SYNDIG1: variants seen among roughly 807,000 people sequenced by gnomAD.
SYNDIG1 encodes the protein synapse differentiation-inducing gene protein 1.
Under a neutral mutation model 19.4 loss-of-function variants are expected in SYNDIG1, and 9 were observed. The observed-to-expected ratio is 0.46, with a 90% CI of 0.28 to 0.81. The LOEUF is 0.81. Among genes scored for constraint, SYNDIG1 ranks in the 30% least tolerant of loss-of-function variants. The pLI is 0.12. For missense variants in SYNDIG1, 311 were observed against 343.3 expected, an observed-to-expected ratio of 0.91 and a Z score of 0.74; for synonymous variants, 141 against 145.9, an observed-to-expected ratio of 0.97 and a Z score of 0.24.
At chr20:24,476,204 A>G (rs2055621415) in intron 1 of SYNDIG1, among the ~76,000 whole-genome samples, 1 of 151,744 alleles carries the variant, frequency 6.6e-6, no homozygotes. Context: ...TATATACTAA[A>G]CCCAGAGATA....
At chr20:24,641,762 G>T (rs1379622548) in intron 3 of SYNDIG1, among the ~76,000 whole-genome samples, 1 of 152,110 alleles carries the variant, frequency 6.6e-6, no homozygotes, top group East Asian at 1.9e-4. Context: ...GTGCAGCAGG[G>T]TGTGCAGACT....
intron 3 of SYNDIG1, among the ~76,000 whole-genome samples, chr20:24,632,858 C>G (rs2059264383): frequency 6.6e-6 from 1 of 151,910 alleles, no homozygotes; most frequent in South Asian, 2.1e-4. Context: ...TTCCTCCCTT[C>G]TGGAATAAAT....
At chr20:24,600,793 T>A (rs2058668603) in intron 3 of SYNDIG1, among the ~76,000 whole-genome samples, 1 of 152,076 alleles carries the variant, frequency 6.6e-6, no homozygotes, top group African/African-American at 2.4e-5. Flanking sequence ...TTTTGTATTC[T>A]TAGTAAAGAC....
chr20:24,621,294 C>T (rs1484140504), intron 3 of SYNDIG1, among the ~76,000 whole-genome samples: 6 of 152,120 alleles, frequency 3.9e-5, no homozygotes, highest in Admixed American at 3.9e-4. Context: ...TATCTATTTA[C>T]TTTTGCTACT....
At chr20:24,557,992 C>T (rs935841362) in intron 2 of SYNDIG1, among the ~76,000 whole-genome samples, 8 of 152,180 alleles carry the variant, frequency 5.3e-5, no homozygotes, top group African/African-American at 1.9e-4. Context: ...AGTCTCAAAT[C>T]CGTCTCCCTG....
rs972738768 is a variant in SYNDIG1, at chr20:24,588,596, C to A, written c.618+3603C>A. On this transcript the variant is annotated intron_variant, in intron 3 of 3. Coordinates refer to ENST00000376862, the MANE Select transcript of SYNDIG1 (RefSeq NM_024893.3). The stretch of plus-strand genomic sequence containing the variant: ...GGCCTCCAGCTCCTCATGGATGCTG[C>A]TGCCATCACCCGGGAGGGGCCGTGG... Among the ~76,000 whole-genome samples the A allele has an allele frequency of 2.6e-5, 4 of 152,158 alleles. No homozygotes were observed. The East Asian group carries it at 7.7e-4, about 29-fold the overall frequency.
chr20:24,644,213 G>A (rs1600818597), intron 3 of SYNDIG1, among the ~76,000 whole-genome samples: 1 of 152,352 alleles, frequency 6.6e-6, no homozygotes, highest in South Asian at 2.1e-4. Flanking sequence ...CATCCATGAA[G>A]CAAGGCTGTT....
chr20:24,597,470 G>A (rs1486538663), intron 3 of SYNDIG1, among the ~76,000 whole-genome samples: 2 of 152,056 alleles, frequency 1.3e-5, no homozygotes, highest in Admixed American at 1.3e-4. Context: ...GGCTGGGAGG[G>A]GGCTGCATTT....
intron 1 of SYNDIG1, among the ~76,000 whole-genome samples, chr20:24,512,597 C>T (rs1391355476): frequency 2.0e-5 from 3 of 152,050 alleles, no homozygotes; most frequent in Admixed American, 6.5e-5. Flanking sequence ...GGGGGAGGGG[C>T]GCCTGCCATT....
chr20:24,634,921 G>T (rs1407385021), intron 3 of SYNDIG1, among the ~76,000 whole-genome samples: 1 of 152,196 alleles, frequency 6.6e-6, no homozygotes, highest in African/African-American at 2.4e-5. Context: ...TGGTTGTGCG[G>T]TGTCTCACAG....
At chr20:24,631,417 G>A (rs987994307) in intron 3 of SYNDIG1, among the ~76,000 whole-genome samples, 2 of 152,174 alleles carry the variant, frequency 1.3e-5, no homozygotes, top group South Asian at 2.1e-4. Flanking sequence ...CCCCACCTGC[G>A]GGCGCGACGG....
intron 3 of SYNDIG1, among the ~76,000 whole-genome samples, chr20:24,596,590 G>T (rs1229971357): frequency 7.0e-6 from 1 of 143,390 alleles, no homozygotes; most frequent in Non-Finnish European, 1.5e-5. Context: ...TGTTGCCTAG[G>T]CTAGCCTCGA....
At chr20:24,648,446 G>A (rs2147359229) in intron 3 of SYNDIG1, among the ~76,000 whole-genome samples, 1 of 152,332 alleles carries the variant, frequency 6.6e-6, no homozygotes, top group Non-Finnish European at 1.5e-5. Flanking sequence ...AGTAAGTTCT[G>A]AGGCCTGACT....
intron 1 of SYNDIG1, among the ~76,000 whole-genome samples, chr20:24,498,884 C>A (rs953200112): frequency 2.0e-5 from 3 of 152,236 alleles, no homozygotes; most frequent in Admixed American, 2.0e-4. Flanking sequence ...CACGGGTGTG[C>A]GGCATCCAGA....
chr20:24,532,727 C>A (rs190770346), intron 1 of SYNDIG1, among the ~76,000 whole-genome samples: 11 of 152,228 alleles, frequency 7.2e-5, no homozygotes, highest in Non-Finnish European at 1.5e-4. Flanking sequence ...CCATGCATGG[C>A]CCCACAGCCT....
intron 1 of SYNDIG1, among the ~76,000 whole-genome samples, chr20:24,489,498 CAT>C (rs755347312): frequency 4.4e-4 from 66 of 151,520 alleles, no homozygotes; most frequent in South Asian, 1.5e-3. Context: ...CACATGGACA[CAT>C]AGACACAGAT....
chr20:24,535,740 T>A (rs961855946), intron 1 of SYNDIG1, among the ~76,000 whole-genome samples: 8 of 152,160 alleles, frequency 5.3e-5, no homozygotes, highest in African/African-American at 1.9e-4. Context: ...GGGCAGATGA[T>A]CTCGCAGAAG....
intron 3 of SYNDIG1, among the ~76,000 whole-genome samples, chr20:24,627,761 G>A (rs557962940): frequency 5.3e-5 from 8 of 152,380 alleles, no homozygotes. Flanking sequence ...TTTGATTACA[G>A]GGTCCCACTG....
intron 3 of SYNDIG1, among the ~76,000 whole-genome samples, chr20:24,626,300 G>A (rs1303649686): frequency 2.6e-5 from 4 of 151,878 alleles, no homozygotes; most frequent in Admixed American, 6.6e-5. Flanking sequence ...CCGGGCGGAG[G>A]GGCTCCTCAC....
Sources: allele counts gnomAD v4.1 joint callset (sites outside exome capture counted in the v4.1 genomes callset), GRCh38; gene constraint gnomAD v4.1.1; transcripts MANE v1.5; gene names NCBI Gene and HGNC (gene_info 2026-07-23, HGNC 2026-07-21).